Variants in TNS3 observed in about 807,000 individuals in gnomAD.
The protein encoded by TNS3 is tensin 3, also known as tensin-3.
TNS3 carries 45 observed loss-of-function variants against 140.9 expected under a neutral mutation model. That is an observed-to-expected ratio of 0.32 (90% CI 0.25 to 0.41). The LOEUF is 0.41. Among genes scored for constraint, TNS3 ranks in the 10% least tolerant of loss-of-function variants. TNS3 has a pLI of 1.00. For synonymous variants in TNS3, 815 were observed against 788.4 expected, an observed-to-expected ratio of 1.03 and a Z score of -0.56; for missense variants, 1,716 against 1,906.7, an observed-to-expected ratio of 0.90 and a Z score of 1.86.
Position 47,481,112 on chromosome 7 carries a change from T to TCGGACTTG in TNS3, c.-93_-86dup, listed in dbSNP as rs1037991143. 6.2e-6 allele frequency: 8 copies of TCGGACTTG among 1,289,688 alleles called. No homozygotes were observed. The African/African-American group carries it at 1.1e-4, about 17-fold the overall frequency. 79.9% of individuals were successfully genotyped at this position (1,289,688 alleles called of 1,614,324 possible). On this transcript the variant is annotated 5_prime_UTR_variant, in exon 4 of 31. Transcript: ENST00000311160. ...AATGCAAAGGGCTTACCTGTTCCAG[T>TCGGACTTG]CGGACTTGCACACCGCAGGGAATCA...
intron 16 of TNS3, among the ~76,000 whole-genome samples, chr7:47,372,654 A>G (rs1791142853): frequency 6.6e-6 from 1 of 152,158 alleles, no homozygotes; most frequent in Non-Finnish European, 1.5e-5. Flanking sequence ...TAAACACTCC[A>G]TCTACGTCAG....
At chr7:47,415,056 C>T in intron 11 of TNS3, 38 bp downstream of exon 11, 1 of 1,513,890 alleles carries the variant, frequency 6.6e-7, no homozygotes, top group Non-Finnish European at 9.1e-7. Context: ...AAGTCTGGGC[C>T]AGCCAATCGC....
chr7:47,538,617 C>A (rs555006589), intron 1 of TNS3, among the ~76,000 whole-genome samples: 26 of 152,316 alleles, frequency 1.7e-4, no homozygotes, highest in African/African-American at 6.0e-4. Flanking sequence ...GTTAACCTCT[C>A]AAGTTCTGGC....
rs760507675 is a variant in TNS3, at chr7:47,322,538, A to AC, written c.2651-17536_2651-17535insG. ...CTCCGTATCAAACAAACAAACAAAC[A>AC]AACACACACACACACACAATCAAAA... On this transcript the variant is annotated intron_variant, in intron 20 of 30. Coordinates refer to ENST00000311160, the MANE Select transcript of TNS3 (RefSeq NM_022748.12). Among the ~76,000 whole-genome samples the AC allele has an allele frequency of 2.4e-3, 331 of 139,904 alleles. 1 individual carries two copies. The highest frequency in any genetic ancestry group is 7.4e-3 in the African/African-American group (300 of 40,682). 91.8% of individuals were successfully genotyped at this position (139,904 alleles called of 152,430 possible).
At chr7:47,333,443 G>A (rs562958888) in intron 20 of TNS3, among the ~76,000 whole-genome samples, 4 of 152,248 alleles carry the variant, frequency 2.6e-5, no homozygotes, top group South Asian at 2.1e-4. Flanking sequence ...ATATGCCTAC[G>A]TACCTGAATA....
At chr7:47,279,336 A>G (rs1161966723) in intron 30 of TNS3, 3 of 152,248 alleles carry the variant, frequency 2.0e-5, no homozygotes, top group African/African-American at 7.2e-5. Context: ...TGACAGGAAC[A>G]CTGGGCCAGG....
chr7:47,296,907 A>G (rs1786057792), intron 24 of TNS3, among the ~76,000 whole-genome samples, 175 bp downstream of exon 24: 1 of 152,224 alleles, frequency 6.6e-6, no homozygotes, highest in Non-Finnish European at 1.5e-5. Flanking sequence ...TAACAAATTA[A>G]TGTTCTTTCT....
chr7:47,409,911 C>A (rs958786371), intron 13 of TNS3, among the ~76,000 whole-genome samples: 2 of 152,200 alleles, frequency 1.3e-5, no homozygotes, highest in African/African-American at 4.8e-5. Context: ...CCCACCTCAG[C>A]CTCCCAAAGT....
At chr7:47,502,223 G>C (rs1021970923) in intron 3 of TNS3, among the ~76,000 whole-genome samples, 2 of 152,178 alleles carry the variant, frequency 1.3e-5, no homozygotes, top group East Asian at 3.9e-4. Flanking sequence ...ATGGGGAGAG[G>C]GGGCTGGAGA....
intron 13 of TNS3, among the ~76,000 whole-genome samples, chr7:47,406,085 G>A (rs771876191): frequency 2.0e-5 from 3 of 152,150 alleles, no homozygotes; most frequent in Non-Finnish European, 4.4e-5. Flanking sequence ...GTTACATAAC[G>A]CCTCGGCTGC....
intron 2 of TNS3, among the ~76,000 whole-genome samples, chr7:47,519,045 C>T (rs900165717): frequency 7.9e-5 from 12 of 152,230 alleles, no homozygotes; most frequent in African/African-American, 2.9e-4. Flanking sequence ...TTCCTCCAAA[C>T]AGCCTGTGAG....
intron 27 of TNS3, among the ~76,000 whole-genome samples, chr7:47,290,369 TATTAAA>T (rs1785631334): frequency 6.6e-6 from 1 of 152,206 alleles, no homozygotes; most frequent in African/African-American, 2.4e-5. Flanking sequence ...AGCTGGATTT[TATTAAA>T]ATTAAAAACT....
chr7:47,459,382 T>G (rs772090715), intron 4 of TNS3, among the ~76,000 whole-genome samples: 4 of 152,178 alleles, frequency 2.6e-5, no homozygotes, highest in African/African-American at 9.7e-5. Context: ...TAAGCATATT[T>G]TATCCCCTTT....
At chr7:47,457,246 C>T (rs1022593511) in intron 4 of TNS3, among the ~76,000 whole-genome samples, 4 of 151,396 alleles carry the variant, frequency 2.6e-5, no homozygotes, top group African/African-American at 4.9e-5. Flanking sequence ...GGCGTAAATA[C>T]TGCCACCATG....
intron 15 of TNS3, among the ~76,000 whole-genome samples, chr7:47,397,167 C>G (rs1792883063): frequency 6.6e-6 from 1 of 152,188 alleles, no homozygotes; most frequent in South Asian, 2.1e-4. Flanking sequence ...TTGGACACTT[C>G]TGCAAAACGA....
rs926829741 is a variant in TNS3 at position 47,276,894 on chromosome 7, G to A, written c.*1182C>T. 1 of 152,188 alleles carries A rather than the reference G, an allele frequency of 6.6e-6. No homozygotes were observed. Among genetic ancestry groups the A allele is most frequent in the African/African-American group, 2.4e-5 (1 of 41,438 alleles). The allele number at this position is 152,188 out of a possible 1,614,324, so 9.4% of individuals were successfully genotyped here. On this transcript the variant is annotated 3_prime_UTR_variant, in exon 31 of 31. Transcript: ENST00000311160. ...AAGGTGGCAAGGAGCAGCACAAAGA[G>A]GGCTGATAAATGCAGGCGAACTTCA... is the stretch of plus-strand genomic sequence containing the variant.
intron 1 of TNS3, among the ~76,000 whole-genome samples, chr7:47,545,620 G>A (rs887636315): frequency 3.9e-5 from 6 of 152,152 alleles, no homozygotes; most frequent in Non-Finnish European, 5.9e-5. Context: ...AGTGGGAGGC[G>A]GGTCACCCAC....
At position 47,275,610 on chromosome 7, in the gene TNS3, T is replaced by C; in HGVS notation, c.*2466A>G. 1 of 349,150 alleles carries C rather than the reference T, an allele frequency of 2.9e-6. No homozygotes were observed. Among genetic ancestry groups the C allele is most frequent in the Non-Finnish European group, 5.7e-6 (1 of 176,258 alleles). 21.6% of individuals were successfully genotyped at this position (349,150 alleles called of 1,614,324 possible). On this transcript the variant is annotated 3_prime_UTR_variant, in exon 31 of 31. Transcript: ENST00000311160. ...GTTTCTGAGCCCACAGTACAATCTG[T>C]GATGACACACAGCTTGTTCTGTTTA...
chr7:47,383,796 C>T (rs1464451638), intron 16 of TNS3, among the ~76,000 whole-genome samples: 1 of 152,052 alleles, frequency 6.6e-6, no homozygotes, highest in African/African-American at 2.4e-5. Context: ...CACTGGTCAC[C>T]GGAATGAAAC....
Sources: gnomAD v4.1 joint callset for allele counts (sites outside exome capture counted in the v4.1 genomes callset) on GRCh38, gnomAD v4.1.1 for gene constraint, MANE v1.5 for transcripts, NCBI Gene and HGNC (gene_info 2026-07-23, HGNC 2026-07-21) for gene names.